The following POLR3E variants were observed in gnomAD, a reference collection of about 807,000 sequenced individuals.
The protein encoded by POLR3E is DNA-directed RNA polymerase III subunit RPC5.
In POLR3E, 41 loss-of-function variants were observed where a neutral mutation model predicts 96.6. That is an observed-to-expected ratio of 0.42 (90% CI 0.33 to 0.55). The LOEUF is 0.55. Among genes scored for constraint, POLR3E ranks in the 20% least tolerant of loss-of-function variants. The pLI is 0.06. For synonymous variants in POLR3E, 396 were observed against 383.6 expected, an observed-to-expected ratio of 1.03 and a Z score of -0.38; for missense variants, 849 against 952.1, an observed-to-expected ratio of 0.89 and a Z score of 1.43.
At chr16:22,306,098 C>T (rs1001860217) in intron 3 of POLR3E, among the ~76,000 whole-genome samples, 5 of 152,148 alleles carry the variant, frequency 3.3e-5, no homozygotes, top group Admixed American at 3.3e-4. Context: ...CAACCATTCC[C>T]CTTATTTTCT....
chr16:22,302,990 C>A lies in POLR3E; in HGVS notation c.22C>A (p.Pro8Thr), dbSNP rs2048058191. 5 of 1,613,862 alleles carry A rather than the reference C, an allele frequency of 3.1e-6. No individual in the cohort carries two copies. The highest frequency in any genetic ancestry group is 4.2e-6 in the Non-Finnish European group (5 of 1,179,902). Residue 8 changes from proline to threonine, a missense_variant, in exon 2 of 21, where the codon CCA becomes ACA. Transcript: ENST00000299853. Reference protein sequence around the residue: MANEEDDPVVQEIDVYLA... With the variant: MANEEDDTVVQEIDVYLA... Reference sequence around the variant, plus strand: ...TAGTATGGCCAATGAAGAGGATGACCCAGTTGTACAGGAGGTAACTGCTGC... The same window carrying A: ...TAGTATGGCCAATGAAGAGGATGACACAGTTGTACAGGAGGTAACTGCTGC...
In POLR3E at chr16:22,322,959, C is replaced by CG. The variant is rs769679217; in HGVS notation, c.1068+30dup. On this transcript the variant is annotated intron_variant, in intron 14 of 20. Coordinates refer to ENST00000299853, the MANE Select transcript of POLR3E (RefSeq NM_018119.4). The surrounding 1 kb of genome is among the most constrained non-coding windows in gnomAD (Gnocchi z 5.2). ...AAGTACCTTGGGTTCTCTGGACTCA[C>CG]GGTGGGGGCGTGGGAAGAGGGGGGC... 6.6e-7 allele frequency: 1 copy of CG among 1,507,192 alleles called. No homozygotes were observed. The highest frequency in any genetic ancestry group is 1.1e-5 in the South Asian group (1 of 87,254). The allele number at this position is 1,507,192 out of a possible 1,614,324, so 93.4% of individuals were successfully genotyped here. A position where few individuals can be genotyped will look rare whatever the true frequency, so the allele number is the denominator to read the frequency against.
Position 22,322,802 on chromosome 16 carries a change from G to C in POLR3E, c.987-48G>C, listed in dbSNP as rs1448579666. The C allele has an allele frequency of 7.4e-7, 1 of 1,345,916 alleles. No homozygotes were observed. Among genetic ancestry groups the C allele is most frequent in the Non-Finnish European group, 1.1e-6 (1 of 940,534 alleles). The allele number at this position is 1,345,916 out of a possible 1,614,324, so 83.4% of individuals were successfully genotyped here. ...CTTGGCCGGGAGGGGTAGCGGTAGA[G>C]GGGGCTCAGGGCAGGGACTGACCTG... On this transcript the variant is annotated intron_variant, in intron 13 of 20. Coordinates refer to ENST00000299853, the MANE Select transcript of POLR3E (RefSeq NM_018119.4). This position sits in a 1 kb window ranked among gnomAD's most constrained non-coding sequence, Gnocchi z 5.2.
Position 22,307,671 on chromosome 16 carries a change from C to T in POLR3E, c.88-477C>T, listed in dbSNP as rs1225117878. The stretch of plus-strand genomic sequence containing the variant: ...ACCAGATAAGGAGAGCGAATGGATT[C>T]ACGAATTCCCACCTGCCCGTCGTCT... On this transcript the variant is annotated intron_variant, in intron 3 of 20. Transcript: ENST00000299853. Among the ~76,000 whole-genome samples, 11 of 152,218 alleles carry T rather than the reference C, an allele frequency of 7.2e-5. No individual in the cohort carries two copies. In the South Asian group the frequency reaches 2.1e-3, roughly 29 times the overall value.
In POLR3E at chr16:22,318,772, G is replaced by A. The variant is rs201147889; in HGVS notation, c.866-54G>A. ...AGCTATGCGGACTCTCGGTGGAGGG[G>A]AGGGAAGGGCCCGGCCCCTCTTCCT... On this transcript the variant is annotated intron_variant, in intron 12 of 20. Coordinates refer to ENST00000299853, the MANE Select transcript of POLR3E (RefSeq NM_018119.4). This position sits in a 1 kb window ranked among gnomAD's most constrained non-coding sequence, Gnocchi z 5.0. 1.1e-5 allele frequency: 17 copies of A among 1,574,544 alleles called. No homozygotes were observed. The highest frequency in any genetic ancestry group is 1.8e-5 in the Admixed American group (1 of 55,204).
rs976348461 is a variant in POLR3E at position 22,322,550 on chromosome 16, C to T, written c.987-300C>T. ...CCTTGAGGTCCCGGGCTGTTCCTCA[C>T]CTTGTCTGTCTCTGAGCCCGTGACC... On this transcript the variant is annotated intron_variant, in intron 13 of 20. Coordinates refer to ENST00000299853, the MANE Select transcript of POLR3E (RefSeq NM_018119.4). This position sits in a 1 kb window ranked among gnomAD's most constrained non-coding sequence, Gnocchi z 5.2. 4.6e-5 allele frequency among the ~76,000 whole-genome samples: 7 copies of T among 152,124 alleles called. No homozygotes were observed. The highest frequency in any genetic ancestry group is 8.8e-5 in the Non-Finnish European group (6 of 68,018).
At chr16:22,328,468 G>C in intron 18 of POLR3E, 42 bp from the exon 19 acceptor site, 1 of 1,529,028 alleles carries the variant, frequency 6.5e-7, no homozygotes, top group Non-Finnish European at 9.1e-7. Context: ...TGGATCCATG[G>C]GGTAGAGATG....
At chr16:22,323,594 CCTCTT>C (rs2141799595) in intron 14 of POLR3E, among the ~76,000 whole-genome samples, 2 of 152,276 alleles carry the variant, frequency 1.3e-5, no homozygotes, top group Non-Finnish European at 2.9e-5. Flanking sequence ...GAAGCATCTG[CCTCTT>C]CTCTTCCTGA....
Position 22,322,972 on chromosome 16 carries a change from G to A in POLR3E, c.1068+41G>A. The A allele has an allele frequency of 7.2e-7, 1 of 1,381,224 alleles. No individual in the cohort carries two copies. The highest frequency in any genetic ancestry group is 1.0e-6 in the Non-Finnish European group (1 of 978,934). 85.6% of individuals were successfully genotyped at this position (1,381,224 alleles called of 1,614,324 possible). ...TCTCTGGACTCACGGTGGGGGCGTG[G>A]GAAGAGGGGGGCAGCGGTGCAGGGC... On this transcript the variant is annotated intron_variant, in intron 14 of 20. Coordinates refer to ENST00000299853, the MANE Select transcript of POLR3E (RefSeq NM_018119.4). The surrounding 1 kb of genome is among the most constrained non-coding windows in gnomAD (Gnocchi z 5.2).
intron 1 of POLR3E, among the ~76,000 whole-genome samples, chr16:22,300,362 T>G (rs2047996843): frequency 6.6e-6 from 1 of 152,164 alleles, no homozygotes; most frequent in Non-Finnish European, 1.5e-5. Context: ...GCCTGGAGGA[T>G]GAAGGGAGGT....
Position 22,309,491 on chromosome 16 carries a change from C to T in POLR3E, c.345C>T (p.Ala115=), listed in dbSNP as rs187688706. 3.8e-5 allele frequency: 61 copies of T among 1,613,420 alleles called. No homozygotes were observed. The East Asian group carries it at 5.8e-4, about 15-fold the overall frequency. ...SQTTSNTSRY[A]AALYRQGELH... ...CCACCAGTAACACATCCCGTTATGC[C>T]GCTGCACTCTACAGGCAAGGTACCC... is the stretch of plus-strand genomic sequence containing the variant. The change falls in exon 6 of 21, where the codon GCC becomes GCT. Residue 115 remains alanine (A), a synonymous_variant. Transcript: ENST00000299853.
In POLR3E at chr16:22,317,211, G is replaced by A; in HGVS notation, c.865+5G>A. 6.2e-7 allele frequency: 1 copy of A among 1,609,364 alleles called. No individual in the cohort carries two copies. Among genetic ancestry groups the A allele is most frequent in the Non-Finnish European group, 8.5e-7 (1 of 1,178,318 alleles). ...TCAAGATCCTGATGAAGAATGGTGG[G>A]TGCCTACCCCCTGCCCACCCGGGGG... On this transcript the variant is annotated splice_donor_5th_base_variant and intron_variant, in intron 12 of 20. Transcript: ENST00000299853.
Position 22,316,583 on chromosome 16 carries a change from C to T in POLR3E, c.643-18C>T. 6.2e-7 allele frequency: 1 copy of T among 1,606,344 alleles called. No individual in the cohort carries two copies. The highest frequency in any genetic ancestry group is 1.1e-5 in the South Asian group (1 of 90,856). On this transcript the variant is annotated intron_variant, in intron 9 of 20. Transcript: ENST00000299853. Reference sequence around the variant, plus strand: ...CCATCAGCTGAGGCTCCTCTCACACCCTGCCCTCCTCCAACAGGACAGTCG... The same window carrying T: ...CCATCAGCTGAGGCTCCTCTCACACTCTGCCCTCCTCCAACAGGACAGTCG...
At chr16:22,319,011 G>T (rs1448428615) in intron 13 of POLR3E, 65 bp downstream of exon 13, 4 of 1,279,422 alleles carry the variant, frequency 3.1e-6, no homozygotes, top group Non-Finnish European at 4.3e-6. Flanking sequence ...CTTCACTCTT[G>T]TTGCCCAGGC....
Position 22,322,784 on chromosome 16 carries a change from G to A in POLR3E, c.987-66G>A, listed in dbSNP as rs1016440932. Reference sequence around the variant, plus strand: ...AAGAAGCATGGACTGGGGCTTGGCCGGGAGGGGTAGCGGTAGAGGGGGCTC... The same window carrying A: ...AAGAAGCATGGACTGGGGCTTGGCCAGGAGGGGTAGCGGTAGAGGGGGCTC... On this transcript the variant is annotated intron_variant, in intron 13 of 20. Coordinates refer to ENST00000299853, the MANE Select transcript of POLR3E (RefSeq NM_018119.4). The surrounding 1 kb of genome is among the most constrained non-coding windows in gnomAD (Gnocchi z 5.2). The A allele has an allele frequency of 1.0e-5, 12 of 1,143,804 alleles. No individual in the cohort carries two copies. The highest frequency in any genetic ancestry group is 2.4e-5 in the East Asian group (1 of 41,372). The allele number at this position is 1,143,804 out of a possible 1,614,324, so 70.9% of individuals were successfully genotyped here.
At position 22,313,986 on chromosome 16, in the gene POLR3E, C is replaced by T. The variant is rs560733342; in HGVS notation, c.473-93C>T. 1.3e-4 allele frequency: 146 copies of T among 1,132,434 alleles called. 2 individuals carry two copies. The African/African-American group carries it at 1.8e-3, about 14-fold the overall frequency. The allele number at this position is 1,132,434 out of a possible 1,614,324, so 70.1% of individuals were successfully genotyped here. A position where few individuals can be genotyped will look rare whatever the true frequency, so the allele number is the denominator to read the frequency against. On this transcript the variant is annotated intron_variant, in intron 7 of 20. Transcript: ENST00000299853. This position sits in a 1 kb window ranked among gnomAD's most constrained non-coding sequence, Gnocchi z 4.1. ...CTCCCTCTGCGAGGAGAACTCCCAG[C>T]ACCCCGGCCTGAGGCTTCCCTGGCG...
intron 20 of POLR3E, among the ~76,000 whole-genome samples, chr16:22,333,043 C>T (rs1340680835): frequency 6.4e-5 from 9 of 139,692 alleles, no homozygotes; most frequent in African/African-American, 1.6e-4. Context: ...AGCACAATCT[C>T]GGCTCACCGC....
intron 18 of POLR3E, chr16:22,326,521 T>G: frequency 1.8e-6 from 1 of 564,252 alleles, no homozygotes; most frequent in Non-Finnish European, 3.2e-6. Flanking sequence ...CCCGGCCTAT[T>G]GCCTGGCCTG....
intron 19 of POLR3E, among the ~76,000 whole-genome samples, chr16:22,331,275 G>C (rs981949420): frequency 6.6e-6 from 1 of 151,970 alleles, no homozygotes; most frequent in Non-Finnish European, 1.5e-5. Flanking sequence ...CTCTGCGCCC[G>C]GCATGAAGCA....
Sources: allele counts gnomAD v4.1 joint callset (sites outside exome capture counted in the v4.1 genomes callset), GRCh38; gene constraint gnomAD v4.1.1; non-coding constraint Gnocchi (gnomAD v3.1); transcripts MANE v1.5; gene names NCBI Gene and HGNC (gene_info 2026-07-23, HGNC 2026-07-21).